The following DDX10 variants were observed in gnomAD, a reference collection of about 807,000 sequenced individuals.
The protein encoded by DDX10 is probable ATP-dependent RNA helicase DDX10.
A neutral mutation model predicts 104.3 loss-of-function variants in DDX10; 74 were observed. That is an observed-to-expected ratio of 0.71 (90% CI 0.59 to 0.86). The LOEUF is 0.86. Ranked by LOEUF, DDX10 falls within the 40% of genes least tolerant of loss-of-function variation. DDX10 has a pLI of 0.00. For synonymous variants in DDX10, 351 were observed against 353.4 expected (o/e 0.99, Z 0.08); for missense variants, 952 against 1,040.0 (o/e 0.92, Z 1.16).
chr11:108,859,240 G>A (rs1036086953), intron 16 of DDX10, among the ~76,000 whole-genome samples: 7 of 152,282 alleles, frequency 4.6e-5, no homozygotes, highest in African/African-American at 1.4e-4. Flanking sequence ...CAGGAAACAA[G>A]TCAAACCTTT....
intron 13 of DDX10, among the ~76,000 whole-genome samples, chr11:108,790,084 C>T (rs992663736): frequency 7.9e-5 from 12 of 152,100 alleles, no homozygotes; most frequent in African/African-American, 1.4e-4. Flanking sequence ...ATAAATCTAA[C>T]CCCCCTAAAG....
chr11:108,774,593 C>T (rs951099956), intron 13 of DDX10, among the ~76,000 whole-genome samples: 8 of 152,060 alleles, frequency 5.3e-5, no homozygotes, highest in South Asian at 4.1e-4. Flanking sequence ...TACTTGATTA[C>T]GTTAGAGAAC....
At chr11:108,802,765 C>T (rs2134559570) in intron 13 of DDX10, among the ~76,000 whole-genome samples, 1 of 152,268 alleles carries the variant, frequency 6.6e-6, no homozygotes, top group Non-Finnish European at 1.5e-5. Flanking sequence ...CTCCTATTAA[C>T]ATAGTGAATT....
intron 13 of DDX10, among the ~76,000 whole-genome samples, chr11:108,796,588 ATGT>A (rs1565281107): frequency 6.6e-6 from 1 of 152,174 alleles, no homozygotes; most frequent in Non-Finnish European, 1.5e-5. Context: ...TGTCTTTATA[ATGT>A]TGTATAAATA....
At chr11:108,898,605 C>A (rs1256604349) in intron 16 of DDX10, among the ~76,000 whole-genome samples, 3 of 150,594 alleles carry the variant, frequency 2.0e-5, no homozygotes, top group Non-Finnish European at 4.4e-5. Flanking sequence ...ACCAGAATTT[C>A]TACACCCAAG....
At chr11:108,939,137 A>G (rs190922896) in intron 17 of DDX10, among the ~76,000 whole-genome samples, 11 of 152,312 alleles carry the variant, frequency 7.2e-5, no homozygotes, top group Admixed American at 2.0e-4. Context: ...CCCTGTCTTT[A>G]CAAATAAGAC....
chr11:108,826,692 C>T (rs961402712), intron 13 of DDX10, among the ~76,000 whole-genome samples: 1 of 152,098 alleles, frequency 6.6e-6, no homozygotes, highest in Non-Finnish European at 1.5e-5. Flanking sequence ...GCAGCAGGGC[C>T]ACAAAGATGA....
chr11:108,721,989 G>A (rs2094298927), intron 12 of DDX10, among the ~76,000 whole-genome samples: 1 of 152,164 alleles, frequency 6.6e-6, no homozygotes, highest in African/African-American at 2.4e-5. Flanking sequence ...CTATATGCCA[G>A]GCACTAGTTT....
chr11:108,864,069 C>T (rs919935966), intron 16 of DDX10, among the ~76,000 whole-genome samples: 1 of 152,180 alleles, frequency 6.6e-6, no homozygotes, highest in African/African-American at 2.4e-5. Flanking sequence ...CCTGCATTGC[C>T]AACCTTCCAG....
intron 13 of DDX10, among the ~76,000 whole-genome samples, chr11:108,766,369 G>A (rs1191489736): frequency 6.6e-6 from 1 of 152,122 alleles, no homozygotes; most frequent in African/African-American, 2.4e-5. Context: ...GGTAGCGCAG[G>A]ATTTTTAAAA....
chr11:108,802,773 A>G (rs1862040102), intron 13 of DDX10, among the ~76,000 whole-genome samples: 1 of 152,110 alleles, frequency 6.6e-6, no homozygotes, highest in Non-Finnish European at 1.5e-5. Context: ...AACATAGTGA[A>G]TTTTTGAATG....
intron 9 of DDX10, among the ~76,000 whole-genome samples, chr11:108,695,417 G>C (rs912129890): frequency 3.9e-5 from 6 of 152,122 alleles, no homozygotes; most frequent in African/African-American, 1.4e-4. Flanking sequence ...ACTTTCCCAG[G>C]GATGTGAGGA....
At chr11:108,783,187 T>C (rs1313714099) in intron 13 of DDX10, among the ~76,000 whole-genome samples, 2 of 152,176 alleles carry the variant, frequency 1.3e-5, no homozygotes, top group Non-Finnish European at 2.9e-5. Flanking sequence ...GTGAGCTTTT[T>C]AAAGATATGA....
intron 13 of DDX10, among the ~76,000 whole-genome samples, chr11:108,757,315 A>G (rs1253025320): frequency 6.6e-6 from 1 of 152,080 alleles, no homozygotes; most frequent in African/African-American, 2.4e-5. Context: ...CTGTCTGTGT[A>G]ACATAAGCTA....
intron 9 of DDX10, among the ~76,000 whole-genome samples, chr11:108,702,443 A>G (rs2094269822): frequency 6.6e-6 from 1 of 152,240 alleles, no homozygotes; most frequent in Non-Finnish European, 1.5e-5. Context: ...TGAATAGCGT[A>G]TCACAGACCA....
intron 13 of DDX10, among the ~76,000 whole-genome samples, chr11:108,733,569 A>T (rs1348943066): frequency 6.6e-6 from 1 of 152,094 alleles, no homozygotes; most frequent in Non-Finnish European, 1.5e-5. Flanking sequence ...TCCTTGCCTA[A>T]TGTTGCATAG....
At chr11:108,892,435 C>G (rs1202002941) in intron 16 of DDX10, among the ~76,000 whole-genome samples, 1 of 152,140 alleles carries the variant, frequency 6.6e-6, no homozygotes, top group Non-Finnish European at 1.5e-5. Flanking sequence ...GTTACCCAGT[C>G]TGAACTATTC....
chr11:108,688,858 C>T, intron 6 of DDX10, 78 bp from the exon 7 acceptor site: 6 of 1,506,842 alleles, frequency 4.0e-6, no homozygotes, highest in Non-Finnish European at 5.4e-6. Flanking sequence ...ACTATTAAAA[C>T]TTGTTTCCTT....
At chr11:108,798,905 T>C (rs948258485) in intron 13 of DDX10, among the ~76,000 whole-genome samples, 1 of 152,170 alleles carries the variant, frequency 6.6e-6, no homozygotes, top group African/African-American at 2.4e-5. Flanking sequence ...AATGTAAATA[T>C]TGTTTGAAAT....
Sources: gnomAD v4.1 joint callset for allele counts (sites outside exome capture counted in the v4.1 genomes callset) on GRCh38, gnomAD v4.1.1 for gene constraint, MANE v1.5 for transcripts, NCBI Gene and HGNC (gene_info 2026-07-23, HGNC 2026-07-21) for gene names.